Variants in INSC observed in about 807,000 individuals in gnomAD.
The protein encoded by INSC is INSC spindle orientation adaptor protein.
A neutral mutation model predicts 58.6 loss-of-function variants in INSC; 67 were observed. The ratio of observed to expected loss-of-function variants is 1.14; its 90% CI spans 0.94 to 1.40. The LOEUF (loss-of-function observed/expected upper bound fraction) is 1.40, where lower values mean the gene tolerates loss of function less well. Ranked by LOEUF, INSC falls within the 40% of genes most tolerant of loss-of-function variation. The pLI, the probability that INSC is intolerant of heterozygous loss-of-function variation, is 0.00. For synonymous variants in INSC, 262 were observed against 276.1 expected, an observed-to-expected ratio of 0.95 and a Z score of 0.51; for missense variants, 714 against 692.0, an observed-to-expected ratio of 1.03 and a Z score of -0.36.
At position 15,209,372 on chromosome 11, in the gene INSC, A is replaced by G. The variant is rs1419325400; in HGVS notation, c.819+8423A>G. ...AGATGTGAGTTATTTTCCCCTTCCC[A>G]CCAAATTTCTCCACCAAAGGTCTTT... On this transcript the variant is annotated intron_variant, in intron 7 of 12. Coordinates refer to ENST00000379556, the MANE Select transcript of INSC (RefSeq NM_001042536.3). Among the ~76,000 whole-genome samples the G allele has an allele frequency of 6.6e-5, 10 of 152,184 alleles. No homozygotes were observed. In the East Asian group the frequency reaches 1.9e-3, roughly 29 times the overall value.
chr11:15,146,430 A>C (rs532805148), intron 1 of INSC, among the ~76,000 whole-genome samples: 2 of 152,216 alleles, frequency 1.3e-5, no homozygotes. Flanking sequence ...GCAGTGATGC[A>C]TATGCAATCA....
At chr11:15,200,748 G>A (rs2133882763) in intron 6 of INSC, 76 bp from the exon 7 acceptor site, 10 of 1,595,454 alleles carry the variant, frequency 6.3e-6, no homozygotes, top group Non-Finnish European at 8.6e-6. Flanking sequence ...GGCGAATCAG[G>A]GATGTCACTT....
In INSC at chr11:15,190,737, TAC is replaced by T; in HGVS notation, c.619_620del (p.Thr207HisfsTer89). The T allele has an allele frequency of 6.2e-7, 1 of 1,613,912 alleles. No individual in the cohort carries two copies. Among genetic ancestry groups the T allele is most frequent in the Middle Eastern group, 1.7e-4 (1 of 6,056 alleles). ...AAAAATTGATGCCTCAGACAATATCTACACCACAGAGTCCACCACAGGGAACC... is the reference window on the plus strand; with the variant it reads ...AAAAATTGATGCCTCAGACAATATCTACCACAGAGTCCACCACAGGGAACC... ...VRKIDASDNIYTTESTTGNLF... is the reference protein window; with the variant it reads ...VRKIDASDNIXTTESTTGNLF... On this transcript the variant is annotated frameshift_variant, in exon 6 of 13. Coordinates refer to ENST00000379556, the MANE Select transcript of INSC (RefSeq NM_001042536.3). LOFTEE classifies it high-confidence loss of function.
At chr11:15,235,910 G>C (rs191850462) in intron 10 of INSC, among the ~76,000 whole-genome samples, 1 of 152,144 alleles carries the variant, frequency 6.6e-6, no homozygotes, top group Non-Finnish European at 1.5e-5. Flanking sequence ...ACAGAAATTA[G>C]CTGGGTGTGG....
At chr11:15,148,251 A>T (rs952746864) in intron 1 of INSC, among the ~76,000 whole-genome samples, 6 of 152,212 alleles carry the variant, frequency 3.9e-5, no homozygotes, top group Non-Finnish European at 1.5e-5. Context: ...TTAAACGACA[A>T]GAGCTTTTAT....
chr11:15,252,992 AC>A, the INSC span, among the ~76,000 whole-genome samples: 33 of 152,104 alleles, frequency 2.2e-4, 2 homozygotes. Context: ...CTGAAAACAA[AC>A]CCACTCCTTT....
chr11:15,132,040 T>G (rs1365534883), intron 1 of INSC, among the ~76,000 whole-genome samples: 1 of 152,206 alleles, frequency 6.6e-6, no homozygotes, highest in East Asian at 1.9e-4. Context: ...CTCATTTATT[T>G]TTTCCTCCTC....
chr11:15,135,956 G>A (rs1590345744), intron 1 of INSC, among the ~76,000 whole-genome samples: 1 of 152,274 alleles, frequency 6.6e-6, no homozygotes, highest in South Asian at 2.1e-4. Flanking sequence ...AAGACTAGAT[G>A]CTCACATGAC....
chr11:15,113,151 C>CTTTCTG (rs1590316008), upstream of INSC, among the ~76,000 whole-genome samples: 2 of 31,066 alleles, frequency 6.4e-5, no homozygotes, highest in Non-Finnish European at 1.8e-4. Context: ...CTTTCTGTCT[C>CTTTCTG]TCTCTCTCTC....
chr11:15,205,519 G>A (rs531450831), intron 7 of INSC, among the ~76,000 whole-genome samples: 13 of 152,306 alleles, frequency 8.5e-5, no homozygotes, highest in Admixed American at 7.8e-4. Context: ...ATAAATGGTG[G>A]CTACTGTGAT....
At chr11:15,255,727 A>AGTGT in the INSC span, among the ~76,000 whole-genome samples, 125 of 93,510 alleles carry the variant, frequency 1.3e-3, 1 homozygote, top group South Asian at 6.8e-3. Flanking sequence ...TGTATATGTA[A>AGTGT]GTGTGTGTAT....
At chr11:15,202,559 TC>T (rs1295033541) in intron 7 of INSC, among the ~76,000 whole-genome samples, 1 of 152,160 alleles carries the variant, frequency 6.6e-6, no homozygotes, top group East Asian at 1.9e-4. Flanking sequence ...AACTTCACGT[TC>T]TGAATAATTC....
chr11:15,232,511 A>G (rs1313354347), intron 9 of INSC, among the ~76,000 whole-genome samples: 2 of 152,176 alleles, frequency 1.3e-5, no homozygotes, highest in Non-Finnish European at 1.5e-5. Flanking sequence ...CTCCTGCCTC[A>G]GCCTGTGGAG....
At chr11:15,189,419 T>C (rs1850085331) in intron 5 of INSC, among the ~76,000 whole-genome samples, 1 of 149,260 alleles carries the variant, frequency 6.7e-6, no homozygotes, top group Admixed American at 6.7e-5. Context: ...TTATTTGAGA[T>C]GGGAGTCTTT....
chr11:15,136,410 A>T (rs781674025), intron 1 of INSC, among the ~76,000 whole-genome samples: 2 of 151,978 alleles, frequency 1.3e-5, no homozygotes, highest in African/African-American at 2.4e-5. Context: ...AAAATAAGGC[A>T]ACAGTAAAGT....
chr11:15,186,059 G>C (rs1849954098), intron 5 of INSC, among the ~76,000 whole-genome samples: 1 of 152,120 alleles, frequency 6.6e-6, no homozygotes, highest in Admixed American at 6.5e-5. Flanking sequence ...TGCTGGGAAG[G>C]GTTTCCATTT....
intron 10 of INSC, among the ~76,000 whole-genome samples, chr11:15,237,767 A>T (rs1263394633): frequency 6.6e-6 from 1 of 152,186 alleles, no homozygotes; most frequent in Admixed American, 6.5e-5. Context: ...CAGAGACAGG[A>T]TCAATCTCTT....
intron 5 of INSC, among the ~76,000 whole-genome samples, chr11:15,182,267 G>C (rs2133840827): frequency 6.6e-6 from 1 of 152,216 alleles, no homozygotes; most frequent in South Asian, 2.1e-4. Context: ...CCTTAGGGTT[G>C]CCAAAGGCCT....
intron 5 of INSC, 117 bp downstream of exon 5, chr11:15,178,564 A>G (rs1279565001): frequency 2.4e-6 from 3 of 1,261,064 alleles, no homozygotes; most frequent in East Asian, 2.5e-5. Context: ...ATTGGGAAAC[A>G]TCTTACTCAA....
Sources: gnomAD v4.1 joint callset for allele counts (sites outside exome capture counted in the v4.1 genomes callset) on GRCh38, gnomAD v4.1.1 for gene constraint, MANE v1.5 for transcripts, NCBI Gene and HGNC (gene_info 2026-07-23, HGNC 2026-07-21) for gene names.